The following PRKG2 variants were observed in gnomAD, a reference collection of about 807,000 sequenced individuals.
The protein encoded by PRKG2 is cGMP-dependent protein kinase 2.
PRKG2 carries 33 observed loss-of-function variants against 97.2 expected under a neutral mutation model. That is an observed-to-expected ratio of 0.34 (90% CI 0.26 to 0.45). PRKG2 has a LOEUF of 0.45. Ranked by LOEUF, PRKG2 falls within the 20% of genes least tolerant of loss-of-function variation. PRKG2 has a pLI of 1.00. For synonymous variants in PRKG2, 330 were observed against 321.8 expected (o/e 1.03, Z -0.27); for missense variants, 638 against 900.0 (o/e 0.71, Z 3.73).
At chr4:81,159,955 A>T (rs1187111888) in intron 6 of PRKG2, among the ~76,000 whole-genome samples, 1 of 111,128 alleles carries the variant, frequency 9.0e-6, no homozygotes, top group African/African-American at 3.6e-5. Flanking sequence ...TCTGGGGACC[A>T]TTGTGGGGTG....
At chr4:81,180,918 T>C (rs1751350498) in intron 2 of PRKG2, among the ~76,000 whole-genome samples, 1 of 152,092 alleles carries the variant, frequency 6.6e-6, no homozygotes. Context: ...TGTGCCATGT[T>C]GGTGTGCTGC....
intron 2 of PRKG2, among the ~76,000 whole-genome samples, chr4:81,203,434 T>C (rs1460862633): frequency 6.6e-6 from 1 of 152,198 alleles, no homozygotes; most frequent in Non-Finnish European, 1.5e-5. Context: ...TATAATTCTG[T>C]TGTTAAAATT....
chr4:81,154,023 T>G, intron 6 of PRKG2: 1 of 215,420 alleles, frequency 4.6e-6, no homozygotes, highest in South Asian at 7.6e-5. Context: ...ACCTGGAAAA[T>G]CGGGTCACTC....
chr4:81,185,067 C>T lies in PRKG2; in HGVS notation c.462-10108G>A, dbSNP rs560980934. The stretch of plus-strand genomic sequence containing the variant: ...GGAAAACACTCTGCAGGATATTATC[C>T]AGGAGAACTTCCCCAACCTAGCAAG... On this transcript the variant is annotated intron_variant, in intron 2 of 18. Transcript: ENST00000264399. Among the ~76,000 whole-genome samples the T allele has an allele frequency of 3.9e-5, 6 of 152,246 alleles. No homozygotes were observed. In the East Asian group the frequency reaches 9.6e-4, roughly 24 times the overall value.
At chr4:81,134,956 T>C (rs1463361848) in intron 14 of PRKG2, among the ~76,000 whole-genome samples, 199 bp downstream of exon 14, 1 of 152,180 alleles carries the variant, frequency 6.6e-6, no homozygotes, top group African/African-American at 2.4e-5. Context: ...GTCACAAATA[T>C]GGTTAAACAT....
Position 81,142,910 on chromosome 4 carries a change from A to G in PRKG2, c.1291T>C (p.Ser431Pro). ...TCCTTCAGCTGAATCATTTCCAGAGAGAGTGCTTTGGACAGCTTCCAGTTA... is the reference window on the plus strand; with the variant it reads ...TCCTTCAGCTGAATCATTTCCAGAGGGAGTGCTTTGGACAGCTTCCAGTTA... ...MSNWKLSKAL[S>P]LEMIQLKEKV... The change falls in exon 11 of 19, where the codon TCT becomes CCT. Residue 431 changes from serine (S) to proline (P), a missense_variant. This residue lies in a region of PRKG2 where 304 missense variants were observed against 460.5 expected (regional missense o/e 0.66). Coordinates refer to ENST00000264399, the MANE Select transcript of PRKG2 (RefSeq NM_006259.3). 1 of 1,613,268 alleles carries G rather than the reference A, an allele frequency of 6.2e-7. No homozygotes were observed. The highest frequency in any genetic ancestry group is 8.5e-7 in the Non-Finnish European group (1 of 1,179,452).
chr4:81,089,789 T>C lies in PRKG2; in HGVS notation c.2208A>G (p.Ile736Met). The C allele has an allele frequency of 6.2e-7, 1 of 1,608,242 alleles. No homozygotes were observed. ...GATATTTGTCAAAGTAGCTGTGATCTATGGGTCCCTTGAGCTAATATAGAA... is the reference window on the plus strand; with the variant it reads ...GATATTTGTCAAAGTAGCTGTGATCCATGGGTCCCTTGAGCTAATATAGAA... ...SPLQRELKGP[I>M]DHSYFDKYPP... is the part of the protein sequence containing the mutation. Residue 736 changes from isoleucine (I) to methionine (M), a missense_variant, in exon 19 of 19, where the codon ATA becomes ATG. Ile to Met is a conservative substitution (Grantham distance 10). This residue lies in a region of PRKG2 where 304 missense variants were observed against 460.5 expected (regional missense o/e 0.66). Coordinates refer to ENST00000264399, the MANE Select transcript of PRKG2 (RefSeq NM_006259.3).
At chr4:81,136,189 A>G (rs912244439) in intron 13 of PRKG2, among the ~76,000 whole-genome samples, 1 of 152,182 alleles carries the variant, frequency 6.6e-6, no homozygotes, top group African/African-American at 2.4e-5. Context: ...AATCTGTCCA[A>G]TGAAATGTTC....
At chr4:81,139,115 GA>G (rs1430251468) in intron 12 of PRKG2, among the ~76,000 whole-genome samples, 1 of 152,166 alleles carries the variant, frequency 6.6e-6, no homozygotes, top group Non-Finnish European at 1.5e-5. Context: ...CACAAGGATA[GA>G]AAGCTGTGGT....
intron 14 of PRKG2, among the ~76,000 whole-genome samples, chr4:81,113,125 C>T (rs1744148037): frequency 6.6e-6 from 1 of 152,062 alleles, no homozygotes. Flanking sequence ...AGAAGGCCAG[C>T]GTGGCTGGGC....
intron 6 of PRKG2, chr4:81,154,195 G>A (rs1328856330): frequency 1.8e-5 from 3 of 163,844 alleles, no homozygotes; most frequent in South Asian, 1.9e-4. Context: ...GCTCGGGGAG[G>A]GGCGCCCGCC....
chr4:81,200,208 A>G (rs984743470), intron 2 of PRKG2, among the ~76,000 whole-genome samples: 2 of 152,238 alleles, frequency 1.3e-5, no homozygotes, highest in Non-Finnish European at 2.9e-5. Flanking sequence ...AGACATGGGC[A>G]GAAATGCTAT....
intron 1 of PRKG2, among the ~76,000 whole-genome samples, chr4:81,210,987 G>A (rs1459382755): frequency 6.6e-6 from 1 of 152,042 alleles, no homozygotes; most frequent in Non-Finnish European, 1.5e-5. Flanking sequence ...ATAGCATTCT[G>A]GAAAAGACAA....
intron 17 of PRKG2, among the ~76,000 whole-genome samples, chr4:81,102,308 G>A (rs113811811): frequency 6.6e-6 from 1 of 152,130 alleles, no homozygotes; most frequent in Non-Finnish European, 1.5e-5. Flanking sequence ...AGCTAAGCTG[G>A]AGCCTGTTAA....
chr4:81,186,556 A>G (rs1274468198), intron 2 of PRKG2, among the ~76,000 whole-genome samples: 1 of 152,206 alleles, frequency 6.6e-6, no homozygotes, highest in Non-Finnish European at 1.5e-5. Context: ...CATCACAATT[A>G]AAAGATCTAG....
chr4:81,217,033 ATATATATATATATATATATATGTG>A (rs1276411791), upstream of PRKG2, among the ~76,000 whole-genome samples: 259 of 131,572 alleles, frequency 2.0e-3, 1 homozygote, highest in East Asian at 7.3e-3. Flanking sequence ...TATATTTTGT[ATATATATATATATATATATATGTG>A]TATATATATA....
chr4:81,157,715 C>G (rs1202528980), intron 6 of PRKG2, among the ~76,000 whole-genome samples: 1 of 151,920 alleles, frequency 6.6e-6, no homozygotes, highest in Non-Finnish European at 1.5e-5. Flanking sequence ...AGCAGCACAT[C>G]AAAAAGCTTA....
intron 1 of PRKG2, among the ~76,000 whole-genome samples, chr4:81,212,916 G>A (rs1364668714): frequency 6.6e-6 from 1 of 152,184 alleles, no homozygotes; most frequent in Non-Finnish European, 1.5e-5. Flanking sequence ...CATCTCTAAT[G>A]TAGTAATTAA....
At chr4:81,187,724 C>G (rs901917024) in intron 2 of PRKG2, among the ~76,000 whole-genome samples, 1 of 152,176 alleles carries the variant, frequency 6.6e-6, no homozygotes, top group African/African-American at 2.4e-5. Context: ...ACCCCATCGT[C>G]TCAGCCCAAA....
Sources: gnomAD v4.1 joint callset for allele counts (sites outside exome capture counted in the v4.1 genomes callset) on GRCh38, gnomAD v4.1.1 for gene constraint, gnomAD v4.1.1 regional missense constraint, MANE v1.5 for transcripts, NCBI Gene and HGNC (gene_info 2026-07-23, HGNC 2026-07-21) for gene names.